GRXCR2: variants seen among roughly 807,000 people sequenced by gnomAD.
The protein encoded by GRXCR2 is glutaredoxin and cysteine rich domain containing 2.
In GRXCR2, 23 loss-of-function variants were observed where a neutral mutation model predicts 24.8. The observed-to-expected ratio is 0.93, with a 90% CI of 0.67 to 1.32. The LOEUF is 1.32. Ranked by LOEUF, GRXCR2 falls within the 40% of genes most tolerant of loss-of-function variation. The pLI is 0.00. For synonymous variants in GRXCR2, 130 were observed against 116.1 expected (o/e 1.12, Z -0.77); for missense variants, 315 against 303.4 (o/e 1.04, Z -0.28).
At chr5:145,868,890 T>C (rs191332719) in intron 1 of GRXCR2, among the ~76,000 whole-genome samples, 2 of 152,364 alleles carry the variant, frequency 1.3e-5, no homozygotes, top group East Asian at 3.9e-4. Context: ...TCTATGGTTG[T>C]AATGAAAGTT....
At position 145,906,376 on chromosome 5, in the gene GRXCR2, C is replaced by A. The variant is rs75967773; in HGVS notation, c.-70+29325G>T. Reference sequence around the variant, plus strand: ...AAAAAAAAAGGGGGGTGCTTATCTTCCCTCACTGGCATTGCTTATCCGATA... The same window carrying A: ...AAAAAAAAAGGGGGGTGCTTATCTTACCTCACTGGCATTGCTTATCCGATA... On this transcript the variant is annotated intron_variant, in intron 2 of 3. Coordinates refer to the GRXCR2 transcript ENST00000639411. Among the ~76,000 whole-genome samples the A allele has an allele frequency of 0.01, 1,531 of 152,140 alleles. 58 individuals are homozygous for A. The East Asian group carries it at 0.1, about 10-fold the overall frequency.
At chr5:145,924,836 T>C (rs901392285) in intron 2 of GRXCR2, among the ~76,000 whole-genome samples, 1 of 152,202 alleles carries the variant, frequency 6.6e-6, no homozygotes, top group East Asian at 1.9e-4. Context: ...CTTAAAAGTT[T>C]TACAGGGTGT....
chr5:145,928,778 G>A (rs1176070598), intron 2 of GRXCR2, among the ~76,000 whole-genome samples: 1 of 150,692 alleles, frequency 6.6e-6, no homozygotes, highest in Non-Finnish European at 1.5e-5. Context: ...GGGAAGGATA[G>A]CATTAGGAGA....
chr5:145,876,359 C>G (rs142657343), upstream of GRXCR2, among the ~76,000 whole-genome samples: 2 of 150,672 alleles, frequency 1.3e-5, no homozygotes, highest in Non-Finnish European at 1.5e-5. Context: ...TCACTGCAAC[C>G]TCTGCCTCCT....
chr5:145,928,774 G>GATAGCATTAGGAGAT (rs376921493), intron 2 of GRXCR2, among the ~76,000 whole-genome samples: 23,289 of 138,906 alleles, frequency 0.17, 2,301 homozygotes, highest in Non-Finnish European at 0.22. Flanking sequence ...AGGGGGGAAG[G>GATAGCATTAGGAGAT]ATAGCATTAG....
intron 2 of GRXCR2, among the ~76,000 whole-genome samples, chr5:145,864,711 TC>T (rs1756398974): frequency 6.6e-6 from 1 of 152,080 alleles, no homozygotes; most frequent in Non-Finnish European, 1.5e-5. Context: ...TCCTGAGGCC[TC>T]CCCAGCCATT....
chr5:145,916,467 ACCAGGCC>A (rs78903857), intron 2 of GRXCR2, among the ~76,000 whole-genome samples: 3,566 of 152,178 alleles, frequency 0.023, 56 homozygotes, highest in South Asian at 0.057. Context: ...CATTTTCTCC[ACCAGGCC>A]CCAGGCTGAA....
chr5:145,870,399 T>C (rs1383850186), intron 1 of GRXCR2, among the ~76,000 whole-genome samples: 1 of 152,184 alleles, frequency 6.6e-6, no homozygotes, highest in African/African-American at 2.4e-5. Context: ...ACATTGTGCA[T>C]GTGTCAAAAT....
chr5:145,900,339 A>G (rs1048070767), intron 2 of GRXCR2, among the ~76,000 whole-genome samples: 2 of 152,084 alleles, frequency 1.3e-5, no homozygotes, highest in Admixed American at 6.6e-5. Flanking sequence ...GCCTTCCACC[A>G]TGATTGTAAG....
chr5:145,889,765 T>C (rs1002613692), intron 2 of GRXCR2, among the ~76,000 whole-genome samples: 4 of 152,170 alleles, frequency 2.6e-5, no homozygotes, highest in African/African-American at 9.7e-5. Flanking sequence ...ATTCAAAGCA[T>C]GGATTGCAAG....
chr5:145,866,797 C>A, intron 1 of GRXCR2, 69 bp from the exon 2 acceptor site: 1 of 955,208 alleles, frequency 1.0e-6, no homozygotes, highest in Non-Finnish European at 1.7e-6. Context: ...CAGAACCTGT[C>A]CAACATACCA....
At chr5:145,875,632 G>A (rs1387119671), upstream of GRXCR2, among the ~76,000 whole-genome samples, 2 of 152,126 alleles carry the variant, frequency 1.3e-5, no homozygotes, top group Non-Finnish European at 2.9e-5. Flanking sequence ...AGGTGTCACA[G>A]TTGTAAATTC....
At chr5:145,917,913 G>A (rs111869699) in intron 2 of GRXCR2, among the ~76,000 whole-genome samples, 23 of 152,162 alleles carry the variant, frequency 1.5e-4, no homozygotes, top group African/African-American at 5.6e-4. Context: ...CCAAGTAGCT[G>A]GGACTACAGG....
upstream of GRXCR2, chr5:145,873,119 A>G (rs1355361836): frequency 1.6e-6 from 1 of 625,080 alleles, no homozygotes; most frequent in Non-Finnish European, 2.8e-6. Flanking sequence ...ACTGACACCC[A>G]TACATTAAAT....
chr5:145,876,216 T>TATATATATATATATATAC, upstream of GRXCR2, among the ~76,000 whole-genome samples: 1 of 133,892 alleles, frequency 7.5e-6, no homozygotes, highest in African/African-American at 2.9e-5. Flanking sequence ...TATATATATA[T>TATATATATATATATATAC]ACACACACAC....
At chr5:145,889,612 C>T (rs955443874) in intron 2 of GRXCR2, among the ~76,000 whole-genome samples, 10 of 152,090 alleles carry the variant, frequency 6.6e-5, no homozygotes, top group Admixed American at 2.0e-4. Flanking sequence ...TTAGAAGTAC[C>T]GGTGTCTCCA....
chr5:145,917,385 T>C (rs1275178933), intron 2 of GRXCR2, among the ~76,000 whole-genome samples: 5 of 152,002 alleles, frequency 3.3e-5, no homozygotes, highest in Non-Finnish European at 5.9e-5. Flanking sequence ...ATTTCAGAAA[T>C]AGAAGAGGTG....
At chr5:145,910,976 G>A (rs1757157993) in intron 2 of GRXCR2, among the ~76,000 whole-genome samples, 1 of 151,530 alleles carries the variant, frequency 6.6e-6, no homozygotes, top group Non-Finnish European at 1.5e-5. Flanking sequence ...CATGTTATGA[G>A]GCAGGGCTTC....
At chr5:145,889,537 C>T (rs962998811) in intron 2 of GRXCR2, among the ~76,000 whole-genome samples, 17 of 152,174 alleles carry the variant, frequency 1.1e-4, no homozygotes, top group Non-Finnish European at 4.4e-5. Context: ...CTCTCCACAT[C>T]ACTCACTTTT....
Sources: gnomAD v4.1 joint callset for allele counts (sites outside exome capture counted in the v4.1 genomes callset) on GRCh38, gnomAD v4.1.1 for gene constraint, MANE v1.5 for transcripts, NCBI Gene and HGNC (gene_info 2026-07-23, HGNC 2026-07-21) for gene names.